Variants in CSNK1G1 observed in about 807,000 individuals in gnomAD.
The protein encoded by CSNK1G1 is casein kinase I isoform gamma-1.
In CSNK1G1, 22 loss-of-function variants were observed where a neutral mutation model predicts 59.6. The ratio of observed to expected loss-of-function variants is 0.37; its 90% CI spans 0.26 to 0.53. The LOEUF (loss-of-function observed/expected upper bound fraction) is 0.53. CSNK1G1 is among the 20% of genes least tolerant of loss of function. The pLI is 0.89. For missense variants in CSNK1G1, 384 were observed against 519.5 expected, an observed-to-expected ratio of 0.74 and a Z score of 2.54; for synonymous variants, 179 against 177.1, an observed-to-expected ratio of 1.01 and a Z score of -0.08.
intron 10 of CSNK1G1, chr15:64,189,616 T>G (rs2081942794): frequency 5.6e-6 from 2 of 355,588 alleles, no homozygotes; most frequent in Non-Finnish European, 8.5e-6. Context: ...CAGAAAGGAC[T>G]ATAAATCTTA....
intron 2 of CSNK1G1, among the ~76,000 whole-genome samples, chr15:64,264,831 G>A (rs1015954253): frequency 2.0e-5 from 3 of 152,160 alleles, no homozygotes; most frequent in African/African-American, 7.2e-5. Context: ...ATCCCTTCAT[G>A]ATAAAAACTC....
chr15:64,251,626 G>C, intron 3 of CSNK1G1, 45 bp from the exon 4 acceptor site: 2 of 1,401,006 alleles, frequency 1.4e-6, no homozygotes, highest in Non-Finnish European at 2.0e-6. Flanking sequence ...AAACAAATGG[G>C]ATTTTTCCAT....
At chr15:64,235,022 G>C (rs1299810181) in intron 4 of CSNK1G1, among the ~76,000 whole-genome samples, 1 of 152,286 alleles carries the variant, frequency 6.6e-6, no homozygotes, top group African/African-American at 2.4e-5. Flanking sequence ...GATACTGGTA[G>C]ACGCAAGCTG....
At chr15:64,338,674 T>G (rs1897515643) in intron 1 of CSNK1G1, among the ~76,000 whole-genome samples, 1 of 105,534 alleles carries the variant, frequency 9.5e-6, no homozygotes, top group Non-Finnish European at 1.7e-5. Context: ...CACTCCAGCC[T>G]GGGCAACAAG....
chr15:64,283,156 G>A (rs918528164), intron 2 of CSNK1G1, among the ~76,000 whole-genome samples: 1 of 151,550 alleles, frequency 6.6e-6, no homozygotes, highest in Non-Finnish European at 1.5e-5. Context: ...AATAACCTAT[G>A]GAAAAACAAA....
intron 4 of CSNK1G1, among the ~76,000 whole-genome samples, chr15:64,218,220 G>T (rs2082336872): frequency 6.6e-6 from 1 of 152,104 alleles, no homozygotes; most frequent in Non-Finnish European, 1.5e-5. Flanking sequence ...CAAAGTGCTG[G>T]GAATACAGGC....
In CSNK1G1 at chr15:64,171,805, T is replaced by A. The variant is rs765372453; in HGVS notation, c.*126A>T. The A allele has an allele frequency of 1.0e-5, 9 of 857,986 alleles. No individual in the cohort carries two copies. The highest frequency in any genetic ancestry group is 1.6e-5 in the Non-Finnish European group (8 of 513,174). 53.1% of individuals were successfully genotyped at this position (857,986 alleles called of 1,614,324 possible). A position where few individuals can be genotyped will look rare whatever the true frequency, so the allele number is the denominator to read the frequency against. On this transcript the variant is annotated 3_prime_UTR_variant, in exon 12 of 12. Coordinates refer to ENST00000303052, the MANE Select transcript of CSNK1G1 (RefSeq NM_022048.5). The surrounding 1 kb of genome is among the most constrained non-coding windows in gnomAD (Gnocchi z 4.8). Reference sequence around the variant, plus strand: ...CTGGCCCCTTCTGGGGGCATCTGTTTTCTTCTTTTTGGTTTGGATATCCAC... The same window carrying A: ...CTGGCCCCTTCTGGGGGCATCTGTTATCTTCTTTTTGGTTTGGATATCCAC...
intron 11 of CSNK1G1, chr15:64,180,063 G>A: frequency 2.9e-6 from 1 of 340,646 alleles, no homozygotes; most frequent in Non-Finnish European, 5.6e-6. Flanking sequence ...ACAGCCCCAA[G>A]AAGCTCATGG....
chr15:64,191,374 A>G (rs1357034394), intron 10 of CSNK1G1, among the ~76,000 whole-genome samples: 1 of 152,096 alleles, frequency 6.6e-6, no homozygotes, highest in Non-Finnish European at 1.5e-5. Flanking sequence ...TTTGTTTTTG[A>G]GGCAGATAAA....
Position 64,188,758 on chromosome 15 carries a change from A to T in CSNK1G1, c.1108-8304T>A, listed in dbSNP as rs1317276042. ...AAAAGAGGAGGGAGGGGGAAAAAAC[A>T]CACAGTCAAAGCTGGGATCATCTTT... On this transcript the variant is annotated intron_variant, in intron 10 of 11. Transcript: ENST00000303052. This position sits in a 1 kb window ranked among gnomAD's most constrained non-coding sequence, Gnocchi z 4.2. 1.3e-5 allele frequency among the ~76,000 whole-genome samples: 2 copies of T among 150,798 alleles called. No homozygotes were observed. The highest frequency in any genetic ancestry group is 2.4e-5 in the African/African-American group (1 of 41,364).
intron 1 of CSNK1G1, among the ~76,000 whole-genome samples, chr15:64,305,721 CAAAAAA>C (rs750920098): frequency 4.8e-5 from 5 of 104,658 alleles, no homozygotes; most frequent in African/African-American, 1.8e-4. Flanking sequence ...AAAACAAAAA[CAAAAAA>C]AAAACTTACT....
At chr15:64,229,791 A>T (rs1359324722) in intron 4 of CSNK1G1, among the ~76,000 whole-genome samples, 1 of 151,856 alleles carries the variant, frequency 6.6e-6, no homozygotes. Context: ...CCCTCTCTCA[A>T]GTGAGCTTGA....
rs372890218 is a variant in CSNK1G1, at chr15:64,204,614, C to G, written c.851-25G>C. ...TCTGTTAGGAAAGAGATGAAAGGCC[C>G]TGCTCATTAGCTGAATGCTTTCCAT... On this transcript the variant is annotated intron_variant, in intron 8 of 11. Coordinates refer to ENST00000303052, the MANE Select transcript of CSNK1G1 (RefSeq NM_022048.5). 69 of 1,608,950 alleles carry G rather than the reference C, an allele frequency of 4.3e-5. No homozygotes were observed. The African/African-American group carries it at 8.8e-4, about 21-fold the overall frequency.
rs1343129978 is a variant in CSNK1G1 at position 64,168,047 on chromosome 15, T to A, written c.*3884A>T. ...TTCCCACTGAACTAAGTTTGGAAAT[T>A]ACTTTAGGGGTGATGGTCACCTTTT... is the stretch of plus-strand genomic sequence containing the variant. On this transcript the variant is annotated 3_prime_UTR_variant, in exon 12 of 12. Transcript: ENST00000303052. 1 of 152,386 alleles carries A rather than the reference T, an allele frequency of 6.6e-6. No homozygotes were observed. The highest frequency in any genetic ancestry group is 1.5e-5 in the Non-Finnish European group (1 of 68,022). 9.4% of individuals were successfully genotyped at this position (152,386 alleles called of 1,614,324 possible).
At chr15:64,173,450 T>C (rs1029957479) in intron 11 of CSNK1G1, among the ~76,000 whole-genome samples, 1 of 152,134 alleles carries the variant, frequency 6.6e-6, no homozygotes, top group African/African-American at 2.4e-5. Flanking sequence ...GTACTATTAA[T>C]GGGTGCAAAT....
At chr15:64,285,747 A>G (rs563551705) in intron 2 of CSNK1G1, among the ~76,000 whole-genome samples, 1 of 152,304 alleles carries the variant, frequency 6.6e-6, no homozygotes, top group South Asian at 2.1e-4. Context: ...TTTAGCTATG[A>G]ACACCTCTGG....
chr15:64,227,031 C>T (rs2082472075), intron 4 of CSNK1G1, among the ~76,000 whole-genome samples: 1 of 152,228 alleles, frequency 6.6e-6, no homozygotes, highest in Admixed American at 6.5e-5. Context: ...GCACCTAGCA[C>T]TGGTCCAAGC....
At chr15:64,306,531 T>C (rs1172104094) in intron 1 of CSNK1G1, among the ~76,000 whole-genome samples, 1 of 152,318 alleles carries the variant, frequency 6.6e-6, no homozygotes, top group East Asian at 1.9e-4. Context: ...CATTCACTGC[T>C]GGTGAGAATG....
chr15:64,201,386 T>A (rs2082105353), intron 10 of CSNK1G1, among the ~76,000 whole-genome samples: 1 of 151,554 alleles, frequency 6.6e-6, no homozygotes, highest in Non-Finnish European at 1.5e-5. Context: ...TGCCCTCACC[T>A]GCACTAGCTA....
Sources: allele counts gnomAD v4.1 joint callset (sites outside exome capture counted in the v4.1 genomes callset), GRCh38; gene constraint gnomAD v4.1.1; non-coding constraint Gnocchi (gnomAD v3.1); transcripts MANE v1.5; gene names NCBI Gene and HGNC (gene_info 2026-07-23, HGNC 2026-07-21).